DENND5B: variants seen among roughly 807,000 people sequenced by gnomAD.
The protein encoded by DENND5B is DENN domain containing 5B, also known as DENN domain-containing protein 5B.
In DENND5B, 34 loss-of-function variants were observed where a neutral mutation model predicts 140.6. The ratio of observed to expected loss-of-function variants is 0.24; its 90% CI spans 0.18 to 0.32. The LOEUF is 0.32. Among genes scored for constraint, DENND5B ranks in the 10% least tolerant of loss-of-function variants. The pLI is 1.00. For synonymous variants in DENND5B, 551 were observed against 562.1 expected (o/e 0.98, Z 0.28); for missense variants, 1,142 against 1,560.2 (o/e 0.73, Z 4.52).
chr12:31,401,261 G>A (rs931526469), intron 15 of DENND5B, among the ~76,000 whole-genome samples: 3 of 152,204 alleles, frequency 2.0e-5, no homozygotes, highest in African/African-American at 7.2e-5. Flanking sequence ...GAAAGAAGTA[G>A]GTAGACATGA....
At chr12:31,507,135 A>G (rs1947233673) in intron 1 of DENND5B, among the ~76,000 whole-genome samples, 3 of 152,018 alleles carry the variant, frequency 2.0e-5, no homozygotes, top group South Asian at 4.1e-4. Context: ...AGGAAATTCC[A>G]AGGGTTTGAG....
chr12:31,541,025 C>T (rs1243198150), intron 1 of DENND5B: 2 of 443,778 alleles, frequency 4.5e-6, no homozygotes, highest in African/African-American at 2.2e-5. Flanking sequence ...AGGTTGACCC[C>T]GTATCTCTTA....
intron 3 of DENND5B, among the ~76,000 whole-genome samples, chr12:31,463,470 A>G (rs1945114476): frequency 6.6e-6 from 1 of 152,184 alleles, no homozygotes; most frequent in African/African-American, 2.4e-5. Context: ...TCTGACATAT[A>G]ATAGAGGCTA....
At chr12:31,436,380 C>A (rs892220762) in intron 7 of DENND5B, among the ~76,000 whole-genome samples, 5 of 151,836 alleles carry the variant, frequency 3.3e-5, no homozygotes, top group Admixed American at 1.3e-4. Flanking sequence ...GGATTACAGG[C>A]ATGAGCTACC....
chr12:31,418,100 C>T (rs1187692296), intron 11 of DENND5B, among the ~76,000 whole-genome samples: 1 of 152,050 alleles, frequency 6.6e-6, no homozygotes, highest in Non-Finnish European at 1.5e-5. Context: ...CTTTCAAGGG[C>T]CTTCCATACC....
At chr12:31,590,662 C>G (rs370134978) in intron 1 of DENND5B, 44 bp downstream of exon 1, 1 of 1,424,528 alleles carries the variant, frequency 7.0e-7, no homozygotes, top group South Asian at 1.4e-5. Context: ...CAGCGTCCCC[C>G]GCGCCCCTGA....
At chr12:31,522,982 C>T (rs1213625468) in intron 1 of DENND5B, among the ~76,000 whole-genome samples, 1 of 151,606 alleles carries the variant, frequency 6.6e-6, no homozygotes, top group African/African-American at 2.4e-5. Flanking sequence ...TTATAGGGGA[C>T]CAATATGGGA....
intron 6 of DENND5B, among the ~76,000 whole-genome samples, chr12:31,443,607 T>C (rs969595080): frequency 6.6e-6 from 1 of 152,174 alleles, no homozygotes; most frequent in Admixed American, 6.5e-5. Context: ...AAGAAAATGA[T>C]AGCAAATAAA....
intron 3 of DENND5B, among the ~76,000 whole-genome samples, chr12:31,462,425 T>C (rs996834824): frequency 6.6e-6 from 1 of 152,024 alleles, no homozygotes; most frequent in Admixed American, 6.6e-5. Context: ...AAGTAGAAAC[T>C]GTGCCCTAAT....
intron 4 of DENND5B, among the ~76,000 whole-genome samples, chr12:31,458,284 A>G (rs1449890836): frequency 6.6e-6 from 1 of 152,242 alleles, no homozygotes; most frequent in Non-Finnish European, 1.5e-5. Context: ...ATGGAAAGAC[A>G]ACATACATAT....
chr12:31,436,731 C>T (rs1187238225), intron 7 of DENND5B, among the ~76,000 whole-genome samples: 1 of 151,714 alleles, frequency 6.6e-6, no homozygotes, highest in East Asian at 2.0e-4. Context: ...GACGGGGTTT[C>T]ACCATGTTGG....
At chr12:31,501,579 GCCTGGCCAACATGGCAAAA>G (rs1947003366) in intron 1 of DENND5B, among the ~76,000 whole-genome samples, 1 of 152,122 alleles carries the variant, frequency 6.6e-6, no homozygotes, top group Admixed American at 6.5e-5. Context: ...TTTGAGACCA[GCCTGGCCAACATGGCAAAA>G]CCCTGTCTCC....
At chr12:31,572,361 T>TA (rs1329329768) in intron 1 of DENND5B, among the ~76,000 whole-genome samples, 2 of 152,208 alleles carry the variant, frequency 1.3e-5, no homozygotes, top group Non-Finnish European at 2.9e-5. Flanking sequence ...GCTTCATTGT[T>TA]ACAAATCTTT....
rs1366460498 is a variant in DENND5B at position 31,383,471 on chromosome 12, G to A, written c.*4132C>T. The A allele has an allele frequency of 6.6e-6, 1 of 152,106 alleles. No homozygotes were observed. The highest frequency in any genetic ancestry group is 1.5e-5 in the Non-Finnish European group (1 of 68,034). The allele number at this position is 152,106 out of a possible 1,614,324, so 9.4% of individuals were successfully genotyped here. On this transcript the variant is annotated 3_prime_UTR_variant, in exon 21 of 21. Transcript: ENST00000389082. ...ATATCATTCATATAGTGTGATAGAA[G>A]TTCATTAAAATAATTTTTTAAAAAG...
At chr12:31,482,245 T>C (rs1946097831) in intron 2 of DENND5B, among the ~76,000 whole-genome samples, 1 of 152,328 alleles carries the variant, frequency 6.6e-6, no homozygotes, top group South Asian at 2.1e-4. Context: ...ACTTCTTCCA[T>C]GATTTTAAAT....
intron 1 of DENND5B, among the ~76,000 whole-genome samples, chr12:31,576,648 T>A (rs1950027809): frequency 6.6e-6 from 1 of 151,734 alleles, no homozygotes; most frequent in Non-Finnish European, 1.5e-5. Context: ...TTTTGTAGGA[T>A]GAGGAGGGAG....
intron 20 of DENND5B, among the ~76,000 whole-genome samples, chr12:31,388,875 G>A (rs1428996248): frequency 6.6e-6 from 1 of 152,162 alleles, no homozygotes; most frequent in Admixed American, 6.6e-5. Flanking sequence ...CAGTGTATGT[G>A]TCTAGTTATC....
At chr12:31,571,824 G>A (rs1372000444) in intron 1 of DENND5B, among the ~76,000 whole-genome samples, 1 of 152,140 alleles carries the variant, frequency 6.6e-6, no homozygotes. Context: ...GGCCAGGCTG[G>A]TCTCAAACTC....
At position 31,452,414 on chromosome 12, in the gene DENND5B, C is replaced by T; in HGVS notation, c.1155G>A (p.Gln385=). 1 of 1,612,940 alleles carries T rather than the reference C, an allele frequency of 6.2e-7. No individual in the cohort carries two copies. The change falls in exon 5 of 21, where the codon CAG becomes CAA. Residue 385 remains glutamine (Q), a synonymous_variant. Transcript: ENST00000389082. The part of the protein sequence containing the change: ...HFIELPEEFP[Q]FPNKVDFIQE... The stretch of plus-strand genomic sequence containing the variant: ...GGATAAAATCCACTTTATTGGGGAA[C>T]TGTGGAAATTCTTCAGGCAACTCAA...
Sources: allele counts gnomAD v4.1 joint callset (sites outside exome capture counted in the v4.1 genomes callset), GRCh38; gene constraint gnomAD v4.1.1; transcripts MANE v1.5; gene names NCBI Gene and HGNC (gene_info 2026-07-23, HGNC 2026-07-21).